CTNNA3: variants seen among roughly 807,000 people sequenced by gnomAD.
The protein encoded by CTNNA3 is catenin alpha 3.
A neutral mutation model predicts 95.7 loss-of-function variants in CTNNA3; 76 were observed. The observed-to-expected ratio is 0.79, with a 90% CI of 0.66 to 0.96. The LOEUF (loss-of-function observed/expected upper bound fraction) is 0.96, where lower values mean the gene tolerates loss of function less well. Ranked by LOEUF, CTNNA3 falls within the 40% of genes least tolerant of loss-of-function variation. The probability of loss-of-function intolerance (pLI) is 0.00; values close to 1 mark genes in which losing one functional copy is unlikely to be tolerated. For missense variants in CTNNA3, 1,191 were observed against 1,089.8 expected (o/e 1.09, Z -1.31); for synonymous variants, 431 against 374.4 (o/e 1.15, Z -1.74).
chr10:66,947,256 T>C (rs542384541), intron 7 of CTNNA3, among the ~76,000 whole-genome samples: 2 of 152,312 alleles, frequency 1.3e-5, no homozygotes, highest in South Asian at 4.1e-4. Context: ...CTCTGATTAC[T>C]CTCTAATGGG....
chr10:66,868,808 T>C (rs928691616), intron 7 of CTNNA3, among the ~76,000 whole-genome samples: 1 of 149,528 alleles, frequency 6.7e-6, no homozygotes, highest in Non-Finnish European at 1.5e-5. Context: ...ACTGTGAGCA[T>C]AGAGGAGACA....
chr10:66,462,904 T>C (rs910507051), intron 11 of CTNNA3, among the ~76,000 whole-genome samples: 5 of 152,156 alleles, frequency 3.3e-5, no homozygotes, highest in African/African-American at 1.2e-4. Context: ...ATAAACCTTT[T>C]TATTTTCTGA....
At chr10:66,726,317 T>C (rs1052431399) in intron 9 of CTNNA3, among the ~76,000 whole-genome samples, 3 of 152,084 alleles carry the variant, frequency 2.0e-5, no homozygotes, top group African/African-American at 4.8e-5. Context: ...ATAAGTATGA[T>C]ATAATTCAAA....
chr10:67,702,408 G>A (rs1036826412), intron 1 of CTNNA3, among the ~76,000 whole-genome samples: 2 of 152,118 alleles, frequency 1.3e-5, no homozygotes, highest in Non-Finnish European at 2.9e-5. Flanking sequence ...TAAAAGATCA[G>A]ACATTATAAC....
At chr10:65,988,657 T>C in intron 16 of CTNNA3, 35 bp downstream of exon 16, 3 of 1,534,486 alleles carry the variant, frequency 2.0e-6, no homozygotes, top group East Asian at 4.5e-5. Context: ...GCAATTAGCA[T>C]GAACTTTTAT....
intron 5 of CTNNA3, among the ~76,000 whole-genome samples, chr10:67,482,899 T>C (rs2133057875): frequency 6.6e-6 from 1 of 152,252 alleles, no homozygotes; most frequent in East Asian, 1.9e-4. Flanking sequence ...CATAGATAGC[T>C]CTTACTATTT....
In CTNNA3 at chr10:66,117,915, G is replaced by A. The variant is rs577630609; in HGVS notation, c.1885-14666C>T. ...ATACAGTGTGAAGTCTGGATCATCAGGCCACTGGCCCTGCCCGCCTTCTAA... is the reference window on the plus strand; with the variant it reads ...ATACAGTGTGAAGTCTGGATCATCAAGCCACTGGCCCTGCCCGCCTTCTAA... On this transcript the variant is annotated intron_variant, in intron 13 of 17. Transcript: ENST00000433211. 2.7e-4 allele frequency among the ~76,000 whole-genome samples: 41 copies of A among 152,234 alleles called. No individual in the cohort carries two copies. In the South Asian group the frequency reaches 7.3e-3, roughly 27 times the overall value.
chr10:66,941,960 G>A (rs1219078981), intron 7 of CTNNA3, among the ~76,000 whole-genome samples: 4 of 152,196 alleles, frequency 2.6e-5, no homozygotes, highest in Non-Finnish European at 5.9e-5. Context: ...ATTTCATGGT[G>A]TAGGAGGGAG....
intron 1 of CTNNA3, among the ~76,000 whole-genome samples, chr10:67,755,361 A>T (rs1841427165): frequency 6.6e-6 from 1 of 152,182 alleles, no homozygotes; most frequent in South Asian, 2.1e-4. Flanking sequence ...GCTGGCAAGG[A>T]TGTAAAGAAA....
At position 66,245,033 on chromosome 10, in the gene CTNNA3, T is replaced by A. The variant is rs1294185096; in HGVS notation, c.1884+35437A>T. Reference sequence around the variant, plus strand: ...TGCTTGGGCGCACTGGGCTCATTCTTCCCACCCTGCCTGGCAGGCTGTGCT... The same window carrying A: ...TGCTTGGGCGCACTGGGCTCATTCTACCCACCCTGCCTGGCAGGCTGTGCT... On this transcript the variant is annotated intron_variant, in intron 13 of 17. Coordinates refer to ENST00000433211, the MANE Select transcript of CTNNA3 (RefSeq NM_013266.4). Among the ~76,000 whole-genome samples, 3 of 152,226 alleles carry A rather than the reference T, an allele frequency of 2.0e-5. No individual in the cohort carries two copies. In the East Asian group the frequency reaches 5.8e-4, roughly 30 times the overall value.
intron 16 of CTNNA3, among the ~76,000 whole-genome samples, chr10:65,973,804 C>G (rs2078157583): frequency 6.6e-6 from 1 of 152,014 alleles, no homozygotes; most frequent in South Asian, 2.1e-4. Context: ...AATGCACTAT[C>G]CTGAGGACAG....
At chr10:67,723,589 C>T (rs770056931) in intron 1 of CTNNA3, among the ~76,000 whole-genome samples, 12 of 152,162 alleles carry the variant, frequency 7.9e-5, no homozygotes, top group East Asian at 1.9e-4. Flanking sequence ...CCACCATGCC[C>T]GGCATCTTTC....
chr10:67,106,248 G>A (rs1858630075), intron 7 of CTNNA3, among the ~76,000 whole-genome samples: 1 of 152,176 alleles, frequency 6.6e-6, no homozygotes, highest in African/African-American at 2.4e-5. Flanking sequence ...CTGAAATGTA[G>A]TTTGGGGCCA....
chr10:66,074,016 T>C (rs1371270856), intron 14 of CTNNA3, among the ~76,000 whole-genome samples: 1 of 151,986 alleles, frequency 6.6e-6, no homozygotes, highest in Non-Finnish European at 1.5e-5. Context: ...CTAGTCACTA[T>C]CTCCTAAGGG....
intron 14 of CTNNA3, among the ~76,000 whole-genome samples, chr10:66,089,394 C>G (rs71493961): frequency 0.11 from 16,232 of 151,338 alleles, 1,052 homozygotes; most frequent in Non-Finnish European, 0.15. Flanking sequence ...TTCCTTCTTT[C>G]CTTCCTTACT....
intron 12 of CTNNA3, among the ~76,000 whole-genome samples, chr10:66,363,217 G>A (rs1387579564): frequency 1.3e-5 from 2 of 152,210 alleles, no homozygotes; most frequent in Non-Finnish European, 2.9e-5. Flanking sequence ...TTTGAAGAAA[G>A]GACACAAAAC....
At chr10:67,551,733 C>T (rs1400350693) in intron 3 of CTNNA3, among the ~76,000 whole-genome samples, 1 of 152,196 alleles carries the variant, frequency 6.6e-6, no homozygotes, top group Non-Finnish European at 1.5e-5. Flanking sequence ...ACACTCCCAT[C>T]ACACACCCCC....
At chr10:66,109,811 T>C (rs984436716) in intron 13 of CTNNA3, among the ~76,000 whole-genome samples, 4 of 151,276 alleles carry the variant, frequency 2.6e-5, no homozygotes, top group Non-Finnish European at 5.9e-5. Context: ...ATGGCACATG[T>C]ATACATATGT....
intron 5 of CTNNA3, among the ~76,000 whole-genome samples, chr10:67,347,222 G>A (rs1589195481): frequency 6.6e-6 from 1 of 151,662 alleles, no homozygotes; most frequent in East Asian, 2.0e-4. Flanking sequence ...AGCTAATTTG[G>A]GTTTTGTTTT....
Sources: gnomAD v4.1 joint callset for allele counts (sites outside exome capture counted in the v4.1 genomes callset) on GRCh38, gnomAD v4.1.1 for gene constraint, MANE v1.5 for transcripts, NCBI Gene and HGNC (gene_info 2026-07-23, HGNC 2026-07-21) for gene names.